IDO2: variants seen among roughly 807,000 people sequenced by gnomAD.
IDO2 encodes the protein indoleamine 2,3-dioxygenase 2.
In IDO2, 46 loss-of-function variants were observed where a neutral mutation model predicts 45.1. The ratio of observed to expected loss-of-function variants is 1.02; its 90% CI spans 0.80 to 1.30. The LOEUF (loss-of-function observed/expected upper bound fraction) is 1.30, where lower values mean the gene tolerates loss of function less well. Ranked by LOEUF, IDO2 falls within the 50% of genes most tolerant of loss-of-function variation. The pLI, the probability that IDO2 is intolerant of heterozygous loss-of-function variation, is 0.00. For synonymous variants in IDO2, 218 were observed against 184.9 expected, an observed-to-expected ratio of 1.18 and a Z score of -1.45; for missense variants, 544 against 491.8, an observed-to-expected ratio of 1.11 and a Z score of -1.00.
chr8:40,009,241 C>T (rs1228549053), intron 9 of IDO2, among the ~76,000 whole-genome samples: 3 of 152,198 alleles, frequency 2.0e-5, no homozygotes, highest in South Asian at 4.1e-4. Flanking sequence ...TCTTGAACTC[C>T]TGACCTCAGG....
intron 5 of IDO2, among the ~76,000 whole-genome samples, chr8:39,983,964 A>G (rs1318240127): frequency 6.6e-6 from 1 of 152,172 alleles, no homozygotes; most frequent in Non-Finnish European, 1.5e-5. Context: ...GCAATTATGA[A>G]TTGTGATCCT....
chr8:39,963,202 C>T (rs1808025632), intron 2 of IDO2, among the ~76,000 whole-genome samples: 2 of 152,212 alleles, frequency 1.3e-5, no homozygotes, highest in Middle Eastern at 3.2e-3. Context: ...ACCTTCCCTT[C>T]TTCACATTTA....
At chr8:40,013,838 A>T (rs1802346421) in intron 10 of IDO2, 125 bp downstream of exon 10, 1 of 747,034 alleles carries the variant, frequency 1.3e-6, no homozygotes, top group Non-Finnish European at 2.0e-6. Flanking sequence ...TCTCTAAGTC[A>T]GCCAAGAAAC....
intron 4 of IDO2, among the ~76,000 whole-genome samples, chr8:39,981,840 C>A (rs537815401): frequency 5.9e-5 from 9 of 152,232 alleles, no homozygotes; most frequent in African/African-American, 2.2e-4. Flanking sequence ...ACTCGTTCAG[C>A]CTTTACCTCC....
exon 4 of IDO2, chr8:39,979,090 C>T (rs1431936049): frequency 6.3e-7 from 1 of 1,594,642 alleles, no homozygotes; most frequent in Non-Finnish European, 8.5e-7. Context: ...GCTGCCAGTT[C>T]CTGAAGGGTC....
chr8:39,969,786 A>G (rs1032916644), intron 3 of IDO2, among the ~76,000 whole-genome samples: 9 of 152,116 alleles, frequency 5.9e-5, no homozygotes, highest in Non-Finnish European at 1.2e-4. Flanking sequence ...GAGGCAGAAC[A>G]ATCGTTTGAA....
At chr8:39,975,615 A>G (rs895517552) in intron 3 of IDO2, among the ~76,000 whole-genome samples, 3 of 152,200 alleles carry the variant, frequency 2.0e-5, no homozygotes, top group Non-Finnish European at 4.4e-5. Context: ...AAAAATGCTT[A>G]AAGTCTGGCA....
intron 3 of IDO2, among the ~76,000 whole-genome samples, chr8:39,969,875 CA>C (rs34762202): frequency 0.67 from 93,511 of 140,538 alleles, 31,408 homozygotes; most frequent in African/African-American, 0.81. Flanking sequence ...AACTCCTTCT[CA>C]AAAAAAAAAA....
At chr8:39,948,147 A>G (rs1301804567) in intron 1 of IDO2, among the ~76,000 whole-genome samples, 1 of 152,210 alleles carries the variant, frequency 6.6e-6, no homozygotes, top group African/African-American at 2.4e-5. Context: ...TGCTATTACC[A>G]AGTTTGTTAG....
intron 8 of IDO2, among the ~76,000 whole-genome samples, chr8:40,003,387 A>G (rs1204051124): frequency 1.0e-4 from 6 of 58,668 alleles, no homozygotes; most frequent in Admixed American, 3.7e-4. Flanking sequence ...AAAAAAAAAA[A>G]AAAAGAAAAC....
chr8:39,952,537 C>T (rs1467578398), intron 2 of IDO2, among the ~76,000 whole-genome samples: 1 of 152,226 alleles, frequency 6.6e-6, no homozygotes, highest in Admixed American at 6.5e-5. Context: ...TGTCAATGTT[C>T]AAACCTTTCC....
At chr8:40,004,608 A>C (rs141981688) in intron 8 of IDO2, among the ~76,000 whole-genome samples, 1 of 152,276 alleles carries the variant, frequency 6.6e-6, no homozygotes, top group South Asian at 2.1e-4. Context: ...ACAGAGACAC[A>C]GTGATCTCAG....
intron 1 of IDO2, among the ~76,000 whole-genome samples, chr8:39,943,893 A>G (rs529861251): frequency 1.3e-5 from 2 of 152,298 alleles, no homozygotes; most frequent in Admixed American, 1.3e-4. Context: ...AGAGCAATCA[A>G]ACAGGGGAAG....
rs555348885 is a variant in IDO2 at position 39,974,851 on chromosome 8, G to A, written c.196-4216G>A. ...CAGGAGAATAGCTTGAACCCGGGAG[G>A]CAGAGGTTGCAGTGAACTGAGATTG... On this transcript the variant is annotated intron_variant, in intron 3 of 10. Transcript: ENST00000502986. 1.2e-4 allele frequency among the ~76,000 whole-genome samples: 19 copies of A among 152,294 alleles called. No individual in the cohort carries two copies. In the South Asian group the frequency reaches 3.9e-3, roughly 32 times the overall value.
intron 2 of IDO2, among the ~76,000 whole-genome samples, chr8:39,955,416 G>C (rs554988666): frequency 6.6e-6 from 1 of 151,548 alleles, no homozygotes; most frequent in Non-Finnish European, 1.5e-5. Context: ...CATCACACCC[G>C]GCTTATTTTT....
chr8:39,973,615 A>C (rs1808213095), intron 3 of IDO2, among the ~76,000 whole-genome samples: 1 of 152,168 alleles, frequency 6.6e-6, no homozygotes, highest in Non-Finnish European at 1.5e-5. Flanking sequence ...GTGTAGGTAT[A>C]TATACTTGTG....
chr8:39,943,133 T>A (rs1413383761), intron 1 of IDO2, among the ~76,000 whole-genome samples: 1 of 147,824 alleles, frequency 6.8e-6, no homozygotes, highest in Non-Finnish European at 1.5e-5. Flanking sequence ...TTTGGGAGGC[T>A]GAGGTGGGTG....
At chr8:39,946,479 C>G (rs531891110) in intron 1 of IDO2, among the ~76,000 whole-genome samples, 45 of 152,220 alleles carry the variant, frequency 3.0e-4, no homozygotes, top group African/African-American at 1.1e-3. Context: ...TGGTGGCACG[C>G]ACCTGTAGTC....
intron 1 of IDO2, 52 bp from the exon 2 acceptor site, chr8:39,949,097 G>T: frequency 1.3e-6 from 2 of 1,552,696 alleles, no homozygotes; most frequent in Non-Finnish European, 1.7e-6. Context: ...ATGGAACCTG[G>T]GTGTTTAATT....
Sources: gnomAD v4.1 joint callset for allele counts (sites outside exome capture counted in the v4.1 genomes callset) on GRCh38, gnomAD v4.1.1 for gene constraint, MANE v1.5 for transcripts, NCBI Gene and HGNC (gene_info 2026-07-23, HGNC 2026-07-21) for gene names.